Variants in ATRNL1 observed in about 807,000 individuals in gnomAD.
ATRNL1 encodes attractin like 1.
ATRNL1 carries 95 observed loss-of-function variants against 182.7 expected under a neutral mutation model. The observed-to-expected ratio is 0.52, with a 90% CI of 0.44 to 0.62. ATRNL1 has a LOEUF of 0.62. Among genes scored for constraint, ATRNL1 ranks in the 20% least tolerant of loss-of-function variants. The pLI, the probability that ATRNL1 is intolerant of heterozygous loss-of-function variation, is 0.00. For synonymous variants in ATRNL1, 576 were observed against 568.3 expected (o/e 1.01, Z -0.19); for missense variants, 1,471 against 1,679.5 (o/e 0.88, Z 2.17).
chr10:115,816,136 G>T (rs990082364), intron 27 of ATRNL1, among the ~76,000 whole-genome samples: 3 of 152,154 alleles, frequency 2.0e-5, no homozygotes, highest in Non-Finnish European at 4.4e-5. Context: ...AGCAAGTGCA[G>T]ATGTTAATCA....
chr10:115,171,150 T>G lies in ATRNL1; in HGVS notation c.1206T>G (p.Val402=). 1 of 1,611,874 alleles carries G rather than the reference T, an allele frequency of 6.2e-7. No homozygotes were observed. Among genetic ancestry groups the G allele is most frequent in the Non-Finnish European group, 8.5e-7 (1 of 1,178,546 alleles). ...SQSWSTKTPT[V]LGHGQQYAVE... is the part of the protein sequence containing the mutation. ...CATGGAGTACAAAAACTCCTACTGTTCTTGGACATGGTCAGCAGTATGCTG... is the reference window on the plus strand; with the variant it reads ...CATGGAGTACAAAAACTCCTACTGTGCTTGGACATGGTCAGCAGTATGCTG... Residue 402 remains valine (V), a synonymous_variant, in exon 8 of 29, where the codon GTT becomes GTG. Coordinates refer to ENST00000355044, the MANE Select transcript of ATRNL1 (RefSeq NM_207303.4).
chr10:115,354,136 A>AT (rs545834683), intron 19 of ATRNL1, among the ~76,000 whole-genome samples: 10 of 151,384 alleles, frequency 6.6e-5, no homozygotes, highest in South Asian at 4.2e-4. Flanking sequence ...AAACATTATA[A>AT]TTTTTTTTTA....
intron 1 of ATRNL1, among the ~76,000 whole-genome samples, chr10:115,112,041 G>A (rs561299426): frequency 8.1e-5 from 12 of 147,242 alleles, no homozygotes; most frequent in Non-Finnish European, 1.5e-4. Flanking sequence ...ATTTACAATA[G>A]CATCAAAAAA....
intron 28 of ATRNL1, among the ~76,000 whole-genome samples, chr10:115,913,990 C>T (rs1401835101): frequency 6.6e-6 from 1 of 152,084 alleles, no homozygotes; most frequent in Non-Finnish European, 1.5e-5. Context: ...AATTCTAATC[C>T]CCACGTTTTG....
chr10:115,606,130 G>A (rs1346418893), intron 26 of ATRNL1, among the ~76,000 whole-genome samples: 4 of 151,922 alleles, frequency 2.6e-5, no homozygotes, highest in African/African-American at 9.7e-5. Context: ...GGGATGATTT[G>A]GATTGTTATT....
chr10:115,372,482 A>G (rs1857449671), intron 19 of ATRNL1, among the ~76,000 whole-genome samples: 1 of 152,106 alleles, frequency 6.6e-6, no homozygotes, highest in Admixed American at 6.5e-5. Flanking sequence ...AAGGCTTCCT[A>G]TGTTTTTCTC....
chr10:115,365,034 T>C (rs1371128178), intron 19 of ATRNL1, among the ~76,000 whole-genome samples: 1 of 149,908 alleles, frequency 6.7e-6, no homozygotes, highest in Admixed American at 6.6e-5. Flanking sequence ...GCTGGCCTCA[T>C]AAAATGAGTT....
At position 115,574,750 on chromosome 10, in the gene ATRNL1, C is replaced by T. The variant is rs116403782; in HGVS notation, c.3795+25214C>T. ...CCAAAGCCAGTTAAGGTTTGCTCAG[C>T]CCTGTTATTGACTACCAATTTCCTA... On this transcript the variant is annotated intron_variant, in intron 26 of 28. Transcript: ENST00000355044. Among the ~76,000 whole-genome samples the T allele has an allele frequency of 6.5e-3, 986 of 152,258 alleles. 6 individuals are homozygous for T. Among genetic ancestry groups the T allele is most frequent in the African/African-American group, 0.021 (884 of 41,552 alleles).
At chr10:115,836,135 A>G (rs1950666096) in intron 27 of ATRNL1, among the ~76,000 whole-genome samples, 1 of 152,218 alleles carries the variant, frequency 6.6e-6, no homozygotes, top group Non-Finnish European at 1.5e-5. Context: ...TACAATGATC[A>G]CAGAATTCCC....
chr10:115,169,398 G>A (rs1277649233), intron 7 of ATRNL1, among the ~76,000 whole-genome samples: 1 of 151,484 alleles, frequency 6.6e-6, no homozygotes, highest in Non-Finnish European at 1.5e-5. Context: ...TAGTAGAGAT[G>A]GGGTTTCACC....
chr10:115,885,230 A>C lies in ATRNL1; in HGVS notation c.4018+37239A>C, dbSNP rs570223442. On this transcript the variant is annotated intron_variant, in intron 28 of 28. Transcript: ENST00000355044. ...AAACAGATTCAAAGACTCAGGTCTC[A>C]TTTGAAATTCCATTGTTCTCAGGGA... is the stretch of plus-strand genomic sequence containing the variant. Among the ~76,000 whole-genome samples the C allele has an allele frequency of 2.0e-4, 30 of 152,346 alleles. 1 individual carries two copies. The highest frequency in any genetic ancestry group is 3.4e-3 in the Middle Eastern group (1 of 294).
intron 25 of ATRNL1, among the ~76,000 whole-genome samples, chr10:115,529,691 C>G (rs1226092159): frequency 4.6e-5 from 7 of 152,000 alleles, no homozygotes; most frequent in Non-Finnish European, 2.9e-5. Context: ...AACTTCAAAA[C>G]TTTTACTTAT....
chr10:115,783,697 C>T (rs1593211300), intron 27 of ATRNL1, among the ~76,000 whole-genome samples: 1 of 152,164 alleles, frequency 6.6e-6, no homozygotes, highest in East Asian at 1.9e-4. Flanking sequence ...TTATTTAGCT[C>T]AGATAGTAAT....
intron 24 of ATRNL1, among the ~76,000 whole-genome samples, chr10:115,499,823 T>C (rs1326963599): frequency 6.6e-6 from 1 of 152,192 alleles, no homozygotes; most frequent in Non-Finnish European, 1.5e-5. Flanking sequence ...GTTCCCAGCT[T>C]GATTTTTCCC....
chr10:115,734,865 A>C (rs1947902871), intron 27 of ATRNL1, among the ~76,000 whole-genome samples: 1 of 152,056 alleles, frequency 6.6e-6, no homozygotes, highest in Non-Finnish European at 1.5e-5. Flanking sequence ...TATAAAATTT[A>C]TTTATTTTAG....
intron 20 of ATRNL1, among the ~76,000 whole-genome samples, chr10:115,420,256 C>T (rs1554961695): frequency 6.6e-6 from 1 of 151,976 alleles, no homozygotes; most frequent in African/African-American, 2.4e-5. Flanking sequence ...GTTAGCCAGG[C>T]TGGTCTCGAA....
intron 26 of ATRNL1, among the ~76,000 whole-genome samples, chr10:115,695,184 G>A (rs1946520693): frequency 1.3e-5 from 2 of 151,978 alleles, no homozygotes; most frequent in Non-Finnish European, 2.9e-5. Context: ...GAAAAGGACC[G>A]TTGTCAATAC....
intron 8 of ATRNL1, among the ~76,000 whole-genome samples, chr10:115,194,065 TTGATA>T (rs1554890483): frequency 2.0e-5 from 3 of 152,026 alleles, no homozygotes; most frequent in African/African-American, 7.2e-5. Context: ...TACTTGATAC[TTGATA>T]TGATTTTAAT....
intron 28 of ATRNL1, among the ~76,000 whole-genome samples, chr10:115,863,931 C>G (rs1320872398): frequency 3.3e-5 from 5 of 152,106 alleles, no homozygotes; most frequent in Non-Finnish European, 5.9e-5. Context: ...CCTGAAGGAG[C>G]AGCTAATGGC....
Sources: gnomAD v4.1 joint callset for allele counts (sites outside exome capture counted in the v4.1 genomes callset) on GRCh38, gnomAD v4.1.1 for gene constraint, MANE v1.5 for transcripts, NCBI Gene and HGNC (gene_info 2026-07-23, HGNC 2026-07-21) for gene names.